Variants in CHCHD3 observed in about 807,000 individuals in gnomAD.
The protein encoded by CHCHD3 is coiled-coil-helix-coiled-coil-helix domain containing 3, also known as MICOS complex subunit MIC19.
CHCHD3 carries 20 observed loss-of-function variants against 38.2 expected under a neutral mutation model. The observed-to-expected ratio is 0.52, with a 90% confidence interval of 0.37 to 0.76. The LOEUF is 0.76. Ranked by LOEUF, CHCHD3 falls within the 30% of genes least tolerant of loss-of-function variation. The pLI, the probability that CHCHD3 is intolerant of heterozygous loss-of-function variation, is 0.00. For missense variants in CHCHD3, 245 were observed against 279.2 expected, an observed-to-expected ratio of 0.88 and a Z score of 0.87; for synonymous variants, 82 against 100.0, an observed-to-expected ratio of 0.82 and a Z score of 1.07.
chr7:132,941,149 AT>A (rs765706039), intron 4 of CHCHD3, among the ~76,000 whole-genome samples: 1 of 152,180 alleles, frequency 6.6e-6, no homozygotes, highest in Non-Finnish European at 1.5e-5. Context: ...AGTTCTTTGC[AT>A]TTCTCTCCTC....
At chr7:132,874,301 C>G (rs966942211) in intron 5 of CHCHD3, among the ~76,000 whole-genome samples, 3 of 152,144 alleles carry the variant, frequency 2.0e-5, no homozygotes, top group African/African-American at 7.2e-5. Context: ...GATTACTGAC[C>G]ATCATCAAAC....
At chr7:132,961,619 G>C (rs1483744696) in intron 4 of CHCHD3, among the ~76,000 whole-genome samples, 1 of 152,176 alleles carries the variant, frequency 6.6e-6, no homozygotes, top group African/African-American at 2.4e-5. Context: ...CATGCGTGCG[G>C]TTAAGAACAT....
chr7:133,074,254 C>T (rs1025359015), intron 1 of CHCHD3, among the ~76,000 whole-genome samples: 1 of 152,180 alleles, frequency 6.6e-6, no homozygotes, highest in African/African-American at 2.4e-5. Context: ...ATAGTCTATA[C>T]CTCAACTGTT....
intron 6 of CHCHD3, among the ~76,000 whole-genome samples, chr7:132,835,386 C>T (rs531308082): frequency 6.6e-6 from 1 of 152,318 alleles, no homozygotes; most frequent in South Asian, 2.1e-4. Context: ...TTTCTTACTA[C>T]ACAGTTTGGC....
chr7:133,076,540 T>C (rs1814996341), intron 1 of CHCHD3, among the ~76,000 whole-genome samples: 1 of 152,166 alleles, frequency 6.6e-6, no homozygotes, highest in African/African-American at 2.4e-5. Context: ...CAAACAGAGC[T>C]TGCCAAGTTT....
At chr7:132,980,089 C>A (rs1811879493) in intron 3 of CHCHD3, among the ~76,000 whole-genome samples, 1 of 152,188 alleles carries the variant, frequency 6.6e-6, no homozygotes, top group African/African-American at 2.4e-5. Flanking sequence ...AGCTGTCAAC[C>A]AATTTTTCTC....
At chr7:133,049,581 C>T (rs998843732) in intron 2 of CHCHD3, among the ~76,000 whole-genome samples, 2 of 152,176 alleles carry the variant, frequency 1.3e-5, no homozygotes, top group East Asian at 3.8e-4. Context: ...ACAAGCCTTA[C>T]TCATCTTTGT....
At chr7:132,865,748 T>C (rs777548287) in intron 5 of CHCHD3, among the ~76,000 whole-genome samples, 9 of 152,078 alleles carry the variant, frequency 5.9e-5, no homozygotes, top group Non-Finnish European at 1.2e-4. Context: ...CCCGAGCTTC[T>C]ACCACTGTTC....
chr7:132,875,395 C>T (rs6967574), intron 5 of CHCHD3, among the ~76,000 whole-genome samples: 35,102 of 152,062 alleles, frequency 0.23, 4,204 homozygotes, highest in South Asian at 0.26. Flanking sequence ...AGTTCCGGTC[C>T]TCAAAGGAAC....
intron 4 of CHCHD3, among the ~76,000 whole-genome samples, chr7:132,900,292 A>G (rs1371309825): frequency 5.0e-5 from 1 of 20,124 alleles, no homozygotes; most frequent in Non-Finnish European, 9.9e-5. Context: ...ATTACATCAT[A>G]CGGACATTTA....
intron 6 of CHCHD3, among the ~76,000 whole-genome samples, chr7:132,800,886 A>G (rs892500979): frequency 1.3e-5 from 2 of 152,186 alleles, no homozygotes; most frequent in Non-Finnish European, 2.9e-5. Flanking sequence ...AGGTTCTGAT[A>G]ATGCATCCTT....
At chr7:132,886,070 G>A (rs1490989057) in intron 4 of CHCHD3, among the ~76,000 whole-genome samples, 1 of 152,026 alleles carries the variant, frequency 6.6e-6, no homozygotes, top group African/African-American at 2.4e-5. Context: ...TTTGTACAAT[G>A]AAACTTTAAT....
intron 5 of CHCHD3, among the ~76,000 whole-genome samples, chr7:132,851,790 G>A (rs1808224372): frequency 1.3e-5 from 2 of 152,314 alleles, no homozygotes; most frequent in African/African-American, 2.4e-5. Flanking sequence ...GCTCAATGAG[G>A]TGATGCCACG....
intron 4 of CHCHD3, among the ~76,000 whole-genome samples, chr7:132,939,316 C>A (rs1810705935): frequency 6.6e-6 from 1 of 152,142 alleles, no homozygotes; most frequent in African/African-American, 2.4e-5. Flanking sequence ...CTGACTTGCC[C>A]AGAGCAACCT....
intron 6 of CHCHD3, among the ~76,000 whole-genome samples, chr7:132,804,300 T>C (rs1474020867): frequency 1.3e-5 from 2 of 152,190 alleles, no homozygotes; most frequent in African/African-American, 2.4e-5. Flanking sequence ...CACAGACTCT[T>C]GCTGTTGGGT....
rs544984368 is a variant in CHCHD3, at chr7:132,879,282, C to T, written c.453+6380G>A. Reference sequence around the variant, plus strand: ...GGGGGGAGGTGTAGGGAGGAGTTCTCAAAGAACAAATGCATGCCACATCAC... The same window carrying T: ...GGGGGGAGGTGTAGGGAGGAGTTCTTAAAGAACAAATGCATGCCACATCAC... On this transcript the variant is annotated intron_variant, in intron 5 of 7. Coordinates refer to ENST00000262570, the MANE Select transcript of CHCHD3 (RefSeq NM_017812.4). 1.3e-4 allele frequency among the ~76,000 whole-genome samples: 19 copies of T among 151,886 alleles called. 1 individual carries two copies. The highest frequency in any genetic ancestry group is 3.4e-3 in the Middle Eastern group (1 of 290).
intron 4 of CHCHD3, among the ~76,000 whole-genome samples, chr7:132,929,220 G>A (rs1810460216): frequency 6.6e-6 from 1 of 152,012 alleles, no homozygotes; most frequent in South Asian, 2.1e-4. Flanking sequence ...AGCAACTGAT[G>A]GTTCAACCAG....
intron 2 of CHCHD3, among the ~76,000 whole-genome samples, chr7:133,050,340 T>TAAAAAAAAAAAAAAAAA (rs35635002): frequency 3.1e-5 from 1 of 31,808 alleles, no homozygotes; most frequent in Non-Finnish European, 6.3e-5. Context: ...GGCTGTGTCT[T>TAAAAAAAAAAAAAAAAA]AAAAAAAAAA....
chr7:132,967,666 T>TAAATAAATAAATAAAA (rs1554395367), intron 4 of CHCHD3, among the ~76,000 whole-genome samples: 3 of 134,968 alleles, frequency 2.2e-5, no homozygotes, highest in African/African-American at 8.4e-5. Flanking sequence ...AATAAATAAA[T>TAAATAAATAAATAAAA]AAAATAAAAC....
Sources: allele counts gnomAD v4.1 joint callset (sites outside exome capture counted in the v4.1 genomes callset), GRCh38; gene constraint gnomAD v4.1.1; transcripts MANE v1.5; gene names NCBI Gene and HGNC (gene_info 2026-07-23, HGNC 2026-07-21).